Variants in NCALD observed in about 807,000 individuals in gnomAD.
NCALD encodes the protein neurocalcin-delta.
In NCALD, 10 loss-of-function variants were observed where a neutral mutation model predicts 18.6. The ratio of observed to expected loss-of-function variants is 0.54; its 90% CI spans 0.33 to 0.91. The LOEUF (loss-of-function observed/expected upper bound fraction) is 0.91, where lower values mean the gene tolerates loss of function less well. Among genes scored for constraint, NCALD ranks in the 40% least tolerant of loss-of-function variants. NCALD has a pLI of 0.03. For synonymous variants in NCALD, 88 were observed against 87.4 expected (o/e 1.01, Z -0.04); for missense variants, 184 against 247.6 (o/e 0.74, Z 1.72).
At chr8:101,928,354 A>G (rs1289988242) in intron 2 of NCALD, among the ~76,000 whole-genome samples, 1 of 152,170 alleles carries the variant, frequency 6.6e-6, no homozygotes, top group African/African-American at 2.4e-5. Context: ...ATCTTGTTTG[A>G]CTAATATTAC....
intron 2 of NCALD, among the ~76,000 whole-genome samples, chr8:101,705,812 C>T (rs1187213310): frequency 6.6e-6 from 1 of 152,200 alleles, no homozygotes; most frequent in Admixed American, 6.5e-5. Context: ...CTCCAGCTCC[C>T]AGGCAATTTC....
At chr8:101,762,098 C>A (rs957669217) in intron 1 of NCALD, among the ~76,000 whole-genome samples, 2 of 152,130 alleles carry the variant, frequency 1.3e-5, no homozygotes, top group African/African-American at 4.8e-5. Flanking sequence ...TTGTTTAAGC[C>A]ACTATTACTT....
intron 4 of NCALD, among the ~76,000 whole-genome samples, chr8:101,824,460 A>T (rs1813849177): frequency 1.3e-5 from 2 of 151,962 alleles, no homozygotes; most frequent in African/African-American, 4.8e-5. Flanking sequence ...ACTTTATACT[A>T]ATCTTTAAAT....
At chr8:101,967,126 A>T (rs1392031147) in intron 2 of NCALD, among the ~76,000 whole-genome samples, 3 of 152,130 alleles carry the variant, frequency 2.0e-5, no homozygotes, top group Non-Finnish European at 2.9e-5. Context: ...GAACAAACTA[A>T]ATTCAAATTA....
rs750872305 is a variant in NCALD at position 101,719,383 on chromosome 8, TAA to T, written c.245_246del (p.Phe82Ter). On this transcript the variant is annotated frameshift_variant, in exon 2 of 4. Coordinates refer to ENST00000220931, the MANE Select transcript of NCALD (RefSeq NM_032041.3). LOFTEE classifies it high-confidence loss of function. ...FDANGDGTID[F>X]REFIIALSVT... ...ACACTCAAGGCGATGATGAATTCTC[TAA>T]AGTCTATTGTCCCATCTCCATTTGC... 5.0e-6 allele frequency: 8 copies of T among 1,614,244 alleles called. No homozygotes were observed. The highest frequency in any genetic ancestry group is 6.8e-6 in the Non-Finnish European group (8 of 1,180,040).
At chr8:102,124,190 A>C (rs1587133167) in intron 1 of NCALD, 1 of 148,250 alleles carries the variant, frequency 6.7e-6, no homozygotes, top group African/African-American at 2.5e-5. Flanking sequence ...TGCAACTCCG[A>C]CTCCGCTCTG....
chr8:101,739,323 G>C (rs1299535513), intron 1 of NCALD, among the ~76,000 whole-genome samples: 1 of 151,978 alleles, frequency 6.6e-6, no homozygotes, highest in Non-Finnish European at 1.5e-5. Flanking sequence ...TCTACATTTT[G>C]GGTTGCCTTA....
rs191843773 is a variant in NCALD, at chr8:102,048,920, T to G, written c.-209-28631A>C. Reference sequence around the variant, plus strand: ...TTTTCCTTACTACTTTCCTTAAACTTGTGGTAGTGGGAGAGTTAGGATAAG... The same window carrying G: ...TTTTCCTTACTACTTTCCTTAAACTGGTGGTAGTGGGAGAGTTAGGATAAG... On this transcript the variant is annotated intron_variant, in intron 1 of 6. Transcript: ENST00000311028. Among the ~76,000 whole-genome samples, 488 of 152,258 alleles carry G rather than the reference T, an allele frequency of 3.2e-3. 1 individual carries two copies. The highest frequency in any genetic ancestry group is 0.014 in the Middle Eastern group (4 of 294).
At chr8:101,833,582 A>G (rs936596563) in intron 4 of NCALD, among the ~76,000 whole-genome samples, 1 of 150,050 alleles carries the variant, frequency 6.7e-6, no homozygotes, top group African/African-American at 2.5e-5. Context: ...ATGAGCAATT[A>G]AGATGAAATT....
rs141371875 is a variant in NCALD, at chr8:101,687,490, T to C, written c.*1819A>G. 6.5e-6 allele frequency: 1 copy of C among 152,730 alleles called. No individual in the cohort carries two copies. Among genetic ancestry groups the C allele is most frequent in the East Asian group, 1.9e-4 (1 of 5,182 alleles). The allele number at this position is 152,730 out of a possible 1,614,324, so 9.5% of individuals were successfully genotyped here. ...TTTTACAGAGTCTAGGTCTCAAAAT[T>C]TCACCCTATGGATTTGGTTCTTTTT... On this transcript the variant is annotated 3_prime_UTR_variant, in exon 4 of 4. Transcript: ENST00000220931.
At chr8:101,711,005 T>A (rs1161707668) in intron 2 of NCALD, among the ~76,000 whole-genome samples, 1 of 152,134 alleles carries the variant, frequency 6.6e-6, no homozygotes, top group Non-Finnish European at 1.5e-5. Flanking sequence ...AGACACCTTA[T>A]ACAGGAGAGC....
intron 4 of NCALD, among the ~76,000 whole-genome samples, chr8:101,849,393 G>C (rs774916289): frequency 6.6e-6 from 1 of 152,112 alleles, no homozygotes; most frequent in Non-Finnish European, 1.5e-5. Flanking sequence ...TTTGGTATCT[G>C]ATTTAAAAAG....
At chr8:101,693,353 TGTACAGACAAG>T in intron 2 of NCALD, 1 of 119,992 alleles carries the variant, frequency 8.3e-6, no homozygotes, top group Non-Finnish European at 1.7e-5. Flanking sequence ...TTTTTTTTTC[TGTACAGACAAG>T]GTCTCATTAT....
intron 3 of NCALD, among the ~76,000 whole-genome samples, chr8:101,890,314 G>A (rs1051423391): frequency 6.6e-6 from 1 of 152,134 alleles, no homozygotes; most frequent in African/African-American, 2.4e-5. Context: ...GATAGTGGGG[G>A]TAGAAATTGA....
intron 1 of NCALD, among the ~76,000 whole-genome samples, chr8:102,052,125 A>G (rs184338933): frequency 6.6e-6 from 1 of 152,310 alleles, no homozygotes; most frequent in East Asian, 1.9e-4. Flanking sequence ...ACAAAGAACT[A>G]CTTTTAAAGC....
At chr8:101,810,870 A>T (rs1813280711) in intron 4 of NCALD, among the ~76,000 whole-genome samples, 1 of 152,196 alleles carries the variant, frequency 6.6e-6, no homozygotes, top group South Asian at 2.1e-4. Flanking sequence ...GCTTTAATAA[A>T]ATCAAATATA....
chr8:102,117,564 A>G (rs1278384180), intron 1 of NCALD, among the ~76,000 whole-genome samples: 3 of 149,652 alleles, frequency 2.0e-5, no homozygotes, highest in Non-Finnish European at 4.4e-5. Context: ...GGTCTCACTA[A>G]TGTTTAAACA....
chr8:101,825,280 G>A (rs1813887796), intron 4 of NCALD, among the ~76,000 whole-genome samples: 1 of 152,264 alleles, frequency 6.6e-6, no homozygotes, highest in South Asian at 2.1e-4. Context: ...CAATATGCCA[G>A]TGGATCTTGA....
chr8:101,989,891 GC>G (rs1820976018), intron 2 of NCALD, among the ~76,000 whole-genome samples: 2 of 152,172 alleles, frequency 1.3e-5, no homozygotes, highest in African/African-American at 4.8e-5. Context: ...AGGTTTTGAA[GC>G]TTTTACAATT....
Sources: gnomAD v4.1 joint callset for allele counts (sites outside exome capture counted in the v4.1 genomes callset) on GRCh38, gnomAD v4.1.1 for gene constraint, MANE v1.5 for transcripts, NCBI Gene and HGNC (gene_info 2026-07-23, HGNC 2026-07-21) for gene names.